Variants in SLC44A3 observed in about 807,000 individuals in gnomAD.
The protein encoded by SLC44A3 is solute carrier family 44 member 3, also known as choline transporter-like protein 3.
A neutral mutation model predicts 75.4 loss-of-function variants in SLC44A3; 74 were observed. The ratio of observed to expected loss-of-function variants is 0.98; its 90% CI spans 0.81 to 1.19. The LOEUF is 1.19. Among genes scored for constraint, SLC44A3 ranks in the 50% most tolerant of loss-of-function variants. SLC44A3 has a pLI of 0.00. For missense variants in SLC44A3, 700 were observed against 778.6 expected, an observed-to-expected ratio of 0.90 and a Z score of 1.20; for synonymous variants, 310 against 296.9, an observed-to-expected ratio of 1.04 and a Z score of -0.45.
intron 9 of SLC44A3, among the ~76,000 whole-genome samples, chr1:94,856,780 G>C (rs1451361870): frequency 6.6e-6 from 1 of 152,014 alleles, no homozygotes; most frequent in African/African-American, 2.4e-5. Context: ...ACCCAGGCTG[G>C]AGTGCAGTGG....
intron 6 of SLC44A3, among the ~76,000 whole-genome samples, chr1:94,838,294 C>A (rs1310464148): frequency 6.6e-6 from 1 of 152,196 alleles, no homozygotes; most frequent in Admixed American, 6.5e-5. Flanking sequence ...GACATGTATG[C>A]ATCCATGTTA....
chr1:94,891,531 C>T (rs1353410166), intron 13 of SLC44A3, among the ~76,000 whole-genome samples: 4 of 152,168 alleles, frequency 2.6e-5, no homozygotes, highest in African/African-American at 9.7e-5. Context: ...ATCAGTTCTA[C>T]CATTCTGATT....
intron 13 of SLC44A3, 149 bp from the exon 14 acceptor site, chr1:94,892,132 A>G: frequency 1.3e-6 from 1 of 741,500 alleles, no homozygotes; most frequent in African/African-American, 1.8e-5. Context: ...CCTCTATTTC[A>G]TTCTGCCAAA....
intron 5 of SLC44A3, among the ~76,000 whole-genome samples, chr1:94,834,459 A>G (rs1050707901): frequency 6.6e-6 from 1 of 152,188 alleles, no homozygotes; most frequent in African/African-American, 2.4e-5. Flanking sequence ...AATTGAATAA[A>G]TAAATAAATG....
Position 94,827,584 on chromosome 1 carries a change from A to G in SLC44A3, c.356A>G (p.Asn119Ser), listed in dbSNP as rs1019922516. The G allele has an allele frequency of 6.2e-7, 1 of 1,614,036 alleles. No homozygotes were observed. The highest frequency in any genetic ancestry group is 2.2e-5 in the East Asian group (1 of 44,894). ...AACCGCATGGCCCTCTGTGTATCCA[A>G]CTGCCCTGAAGAGCAGCTTGACTCC... Reference protein sequence around the residue: ...QLNRMALCVSNCPEEQLDSLE... With the variant: ...QLNRMALCVSSCPEEQLDSLE... Residue 119 changes from asparagine to serine, a missense_variant, in exon 4 of 15, where the codon AAC becomes AGC. Transcript: ENST00000271227.
intron 5 of SLC44A3, among the ~76,000 whole-genome samples, chr1:94,835,647 T>A (rs1169628966): frequency 2.0e-5 from 3 of 152,196 alleles, no homozygotes; most frequent in Non-Finnish European, 4.4e-5. Flanking sequence ...TTAAGAATAA[T>A]CTAACCACTT....
chr1:94,830,439 G>A (rs915129691), intron 5 of SLC44A3, among the ~76,000 whole-genome samples: 6 of 151,996 alleles, frequency 3.9e-5, no homozygotes, highest in South Asian at 2.1e-4. Context: ...TCTTGATCTC[G>A]TGACCTCGTG....
At chr1:94,847,388 C>T (rs1045797181) in intron 9 of SLC44A3, among the ~76,000 whole-genome samples, 5 of 152,170 alleles carry the variant, frequency 3.3e-5, no homozygotes, top group Non-Finnish European at 7.3e-5. Flanking sequence ...CGAGCATGCC[C>T]CTCCCAGAAG....
chr1:94,887,736 G>C (rs770892009), intron 12 of SLC44A3, among the ~76,000 whole-genome samples: 2 of 152,166 alleles, frequency 1.3e-5, no homozygotes, highest in African/African-American at 2.4e-5. Flanking sequence ...AAGTGATGGG[G>C]TGGTGGGCTG....
Position 94,845,389 on chromosome 1 carries a change from C to T in SLC44A3, c.997C>T (p.Pro333Ser). ...CAGTGCTCCCTTCCTGCTGTTCCAG[C>T]CACTGTGGACATTTGCCATCCTCAT... ...ISSAPFLLFQ[P>S]LWTFAILIFF... Residue 333 changes from proline to serine, a missense_variant, in exon 9 of 15, where the codon CCA (proline) becomes TCA (serine). Physicochemically the swap from Pro to Ser is moderately conservative, Grantham distance 74. Coordinates refer to ENST00000271227, the MANE Select transcript of SLC44A3 (RefSeq NM_001114106.3). The T allele has an allele frequency of 3.7e-6, 6 of 1,614,118 alleles. No individual in the cohort carries two copies. The highest frequency in any genetic ancestry group is 5.1e-6 in the Non-Finnish European group (6 of 1,180,042).
intron 5 of SLC44A3, among the ~76,000 whole-genome samples, chr1:94,829,117 T>A (rs1661768037): frequency 6.6e-6 from 1 of 151,910 alleles, no homozygotes; most frequent in Non-Finnish European, 1.5e-5. Flanking sequence ...ACTAAAAATA[T>A]ACTAAAAATA....
chr1:94,820,703 C>G, intron 1 of SLC44A3: 1 of 1,379,106 alleles, frequency 7.3e-7, no homozygotes, highest in Non-Finnish European at 9.3e-7. Flanking sequence ...AACTTGGGGT[C>G]GTCCTCAGGT....
intron 12 of SLC44A3, among the ~76,000 whole-genome samples, chr1:94,876,464 G>A (rs189356569): frequency 6.6e-6 from 1 of 152,174 alleles, no homozygotes; most frequent in Admixed American, 6.5e-5. Context: ...CACGTTCCTC[G>A]GCTGTCATTC....
At chr1:94,890,916 C>T (rs904862715) in intron 12 of SLC44A3, among the ~76,000 whole-genome samples, 3 of 152,146 alleles carry the variant, frequency 2.0e-5, no homozygotes, top group African/African-American at 7.2e-5. Context: ...TTCATATTAA[C>T]CATAAGTACC....
chr1:94,824,912 C>T (rs1207042021), intron 3 of SLC44A3, among the ~76,000 whole-genome samples: 3 of 152,160 alleles, frequency 2.0e-5, no homozygotes, highest in Non-Finnish European at 4.4e-5. Flanking sequence ...AGTTATTATA[C>T]CTACCTCACA....
At chr1:94,825,161 C>G (rs1222484870) in intron 3 of SLC44A3, among the ~76,000 whole-genome samples, 2 of 152,132 alleles carry the variant, frequency 1.3e-5, no homozygotes, top group South Asian at 4.1e-4. Context: ...CCCCCTACTC[C>G]CTTACCCCAC....
At chr1:94,874,677 C>CT (rs1320459272) in intron 12 of SLC44A3, among the ~76,000 whole-genome samples, 3 of 152,228 alleles carry the variant, frequency 2.0e-5, no homozygotes, top group Non-Finnish European at 4.4e-5. Context: ...ACCAGCCACT[C>CT]ACTGGCACTT....
intron 5 of SLC44A3, among the ~76,000 whole-genome samples, chr1:94,834,679 T>G (rs1422921624): frequency 6.6e-6 from 1 of 152,044 alleles, no homozygotes; most frequent in African/African-American, 2.4e-5. Context: ...GAGATGGGGT[T>G]TCACCACGTT....
chr1:94,820,546 G>A, intron 1 of SLC44A3, 68 bp downstream of exon 1: 2 of 1,454,728 alleles, frequency 1.4e-6, no homozygotes, highest in African/African-American at 1.4e-5. Flanking sequence ...CCGCCTTCAC[G>A]CACCTTCCCT....
Sources: allele counts gnomAD v4.1 joint callset (sites outside exome capture counted in the v4.1 genomes callset), GRCh38; gene constraint gnomAD v4.1.1; transcripts MANE v1.5; gene names NCBI Gene and HGNC (gene_info 2026-07-23, HGNC 2026-07-21).